Variants in CNOT9 observed in about 807,000 individuals in gnomAD.
CNOT9 encodes the protein CCR4-NOT transcription complex subunit 9.
A neutral mutation model predicts 37.4 loss-of-function variants in CNOT9; 8 were observed. The observed-to-expected ratio is 0.21, with a 90% confidence interval of 0.13 to 0.39. The LOEUF is 0.39. CNOT9 is among the 10% of genes least tolerant of loss of function. The pLI, the probability that CNOT9 is intolerant of heterozygous loss-of-function variation, is 1.00. For missense variants in CNOT9, 154 were observed against 365.3 expected, an observed-to-expected ratio of 0.42 and a Z score of 4.71; for synonymous variants, 120 against 137.6, an observed-to-expected ratio of 0.87 and a Z score of 0.90.
chr2:218,587,415 G>T lies in CNOT9; in HGVS notation c.431-171G>T, dbSNP rs1227273410. Reference sequence around the variant, plus strand: ...TGGGATTACAGGTGTGAGCTACTGCGCCGCCCTCTTCCTTTTTTTTTTTAA... The same window carrying T: ...TGGGATTACAGGTGTGAGCTACTGCTCCGCCCTCTTCCTTTTTTTTTTTAA... On this transcript the variant is annotated intron_variant, in intron 4 of 7. Transcript: ENST00000273064. 4 of 1,244,728 alleles carry T rather than the reference G, an allele frequency of 3.2e-6. No homozygotes were observed. The Admixed American group carries it at 1.6e-4, about 51-fold the overall frequency. The allele number at this position is 1,244,728 out of a possible 1,614,324, so 77.1% of individuals were successfully genotyped here.
At chr2:218,569,017 T>C (rs1693837002) in intron 1 of CNOT9, 39 bp downstream of exon 1, 1 of 1,608,798 alleles carries the variant, frequency 6.2e-7, no homozygotes, top group Non-Finnish European at 8.5e-7. Flanking sequence ...CCAGAATCCT[T>C]TCTCAGACCC....
At chr2:218,585,036 A>G (rs560268523) in intron 4 of CNOT9, among the ~76,000 whole-genome samples, 1 of 152,294 alleles carries the variant, frequency 6.6e-6, no homozygotes, top group Non-Finnish European at 1.5e-5. Context: ...TTAAAGGAAT[A>G]AGAGTTTAAA....
intron 4 of CNOT9, 41 bp from the exon 5 acceptor site, chr2:218,587,545 C>G: frequency 6.6e-7 from 1 of 1,521,042 alleles, no homozygotes; most frequent in East Asian, 2.4e-5. Context: ...AACTGGAAAC[C>G]CTAACTGTAA....
chr2:218,571,944 C>T (rs1694011224), intron 1 of CNOT9, among the ~76,000 whole-genome samples: 1 of 151,934 alleles, frequency 6.6e-6, no homozygotes, highest in African/African-American at 2.4e-5. Flanking sequence ...TTACCGCTAC[C>T]ATTGAGCATA....
intron 5 of CNOT9, among the ~76,000 whole-genome samples, chr2:218,590,216 C>T (rs1694727654): frequency 6.6e-6 from 1 of 152,108 alleles, no homozygotes. Context: ...TACAGGCACA[C>T]ACCATCATAC....
intron 7 of CNOT9, chr2:218,593,834 CT>C (rs1694855320): frequency 8.2e-7 from 1 of 1,222,038 alleles, no homozygotes; most frequent in African/African-American, 1.5e-5. Context: ...AATCAGAAAG[CT>C]GTTTGAATGG....
chr2:218,571,918 CA>C (rs1694009749), intron 1 of CNOT9, among the ~76,000 whole-genome samples: 1 of 151,672 alleles, frequency 6.6e-6, no homozygotes, highest in Admixed American at 6.6e-5. Flanking sequence ...TACATCCTAA[CA>C]TCTTCATATA....
intron 1 of CNOT9, among the ~76,000 whole-genome samples, chr2:218,578,420 A>T (rs941244910): frequency 2.0e-5 from 3 of 152,202 alleles, no homozygotes; most frequent in African/African-American, 7.2e-5. Context: ...TATGCTTCTG[A>T]TCTTCAACAA....
intron 1 of CNOT9, among the ~76,000 whole-genome samples, chr2:218,572,408 CT>C (rs889265504): frequency 1.3e-5 from 2 of 151,430 alleles, no homozygotes; most frequent in African/African-American, 4.9e-5. Context: ...CAGACTTCAG[CT>C]TTGGGAATTT....
chr2:218,591,598 C>T (rs572834440), intron 5 of CNOT9, among the ~76,000 whole-genome samples: 2 of 152,150 alleles, frequency 1.3e-5, no homozygotes, highest in South Asian at 2.1e-4. Flanking sequence ...CCAAAATTAG[C>T]CAGGCATGGT....
chr2:218,571,429 AAGAG>A (rs968222329), intron 1 of CNOT9, among the ~76,000 whole-genome samples: 3 of 152,026 alleles, frequency 2.0e-5, no homozygotes, highest in Non-Finnish European at 4.4e-5. Context: ...TTTGTCTATT[AAGAG>A]AGAGAGAGAA....
intron 2 of CNOT9, 82 bp from the exon 3 acceptor site, chr2:218,582,889 C>CTT (rs111430766): frequency 2.0e-4 from 135 of 676,710 alleles, no homozygotes; most frequent in Non-Finnish European, 2.2e-4. Context: ...TTTTATTTGC[C>CTT]TTTTTTTTTT....
intron 1 of CNOT9, chr2:218,574,242 C>T (rs1694094037): frequency 4.6e-6 from 1 of 217,890 alleles, no homozygotes. Context: ...AGGTGTGAAC[C>T]TGTCTCTGTG....
chr2:218,569,454 T>A (rs183338412), intron 1 of CNOT9, among the ~76,000 whole-genome samples: 20 of 152,330 alleles, frequency 1.3e-4, no homozygotes, highest in Admixed American at 3.9e-4. Context: ...TTTTTGCATC[T>A]GACTTAGGTT....
At chr2:218,571,239 T>C (rs1693981601) in intron 1 of CNOT9, among the ~76,000 whole-genome samples, 1 of 152,186 alleles carries the variant, frequency 6.6e-6, no homozygotes, top group African/African-American at 2.4e-5. Flanking sequence ...TCATTTCAGC[T>C]AGGGAGATAA....
Position 218,583,344 on chromosome 2 carries a change from C to T in CNOT9, c.320+258C>T, listed in dbSNP as rs533355101. The stretch of plus-strand genomic sequence containing the variant: ...CAATGAACTTTAAAGAAACAGTGTT[C>T]ACATTACAGGAAAGGTATCAGGCAT... On this transcript the variant is annotated intron_variant, in intron 3 of 7. Transcript: ENST00000273064. 5.9e-5 allele frequency among the ~76,000 whole-genome samples: 9 copies of T among 151,348 alleles called. No individual in the cohort carries two copies. In the South Asian group the frequency reaches 1.9e-3, roughly 32 times the overall value.
chr2:218,590,747 G>C (rs1436137436), intron 5 of CNOT9, among the ~76,000 whole-genome samples: 1 of 152,060 alleles, frequency 6.6e-6, no homozygotes, highest in Non-Finnish European at 1.5e-5. Flanking sequence ...ATCTCTTTCT[G>C]CTTGTCACAT....
In CNOT9 at chr2:218,592,247, A is replaced by C; in HGVS notation, c.541-57A>C. ...GTCATGCCTGGGAAAATGAGTAGAA[A>C]ATGAGAAGATTAAATCTGAGCAACT... On this transcript the variant is annotated intron_variant, in intron 5 of 7. Coordinates refer to ENST00000273064, the MANE Select transcript of CNOT9 (RefSeq NM_005444.3). This position sits in a 1 kb window ranked among gnomAD's most constrained non-coding sequence, Gnocchi z 4.1. The C allele has an allele frequency of 7.7e-7, 1 of 1,299,940 alleles. No homozygotes were observed. The highest frequency in any genetic ancestry group is 1.8e-5 in the Admixed American group (1 of 55,556). The allele number at this position is 1,299,940 out of a possible 1,614,324, so 80.5% of individuals were successfully genotyped here.
intron 2 of CNOT9, chr2:218,581,011 T>A (rs780594180): frequency 1.8e-5 from 10 of 555,914 alleles, no homozygotes; most frequent in Non-Finnish European, 3.4e-5. Context: ...GTGATGCAAG[T>A]GATCTAAGAA....
Sources: gnomAD v4.1 joint callset for allele counts (sites outside exome capture counted in the v4.1 genomes callset) on GRCh38, gnomAD v4.1.1 for gene constraint, Gnocchi (gnomAD v3.1) non-coding constraint, MANE v1.5 for transcripts, NCBI Gene and HGNC (gene_info 2026-07-23, HGNC 2026-07-21) for gene names.